DCUN1D4: variants seen among roughly 807,000 people sequenced by gnomAD.
DCUN1D4 encodes defective in cullin neddylation 1 domain containing 4.
DCUN1D4 carries 22 observed loss-of-function variants against 47.9 expected under a neutral mutation model. That is an observed-to-expected ratio of 0.46 (90% confidence interval 0.33 to 0.66). DCUN1D4 has a LOEUF of 0.66. DCUN1D4 is among the 30% of genes least tolerant of loss of function. DCUN1D4 has a pLI of 0.02. For missense variants in DCUN1D4, 301 were observed against 340.8 expected (o/e 0.88, Z 0.92); for synonymous variants, 121 against 112.2 (o/e 1.08, Z -0.50).
intron 3 of DCUN1D4, among the ~76,000 whole-genome samples, chr4:51,866,596 T>G (rs1284344681): frequency 1.3e-5 from 2 of 152,216 alleles, no homozygotes; most frequent in Admixed American, 1.3e-4. Context: ...TGTACACTTA[T>G]GCTTATATGT....
intron 7 of DCUN1D4, 139 bp from the exon 8 acceptor site, chr4:51,899,131 G>A (rs1205499525): frequency 7.4e-7 from 1 of 1,354,564 alleles, no homozygotes; most frequent in Admixed American, 3.6e-5. Context: ...TTTTTTAAGT[G>A]TAGAAAAAAT....
intron 5 of DCUN1D4, among the ~76,000 whole-genome samples, chr4:51,883,947 TCTG>T (rs1431092667): frequency 2.0e-5 from 3 of 150,172 alleles, no homozygotes; most frequent in Non-Finnish European, 4.4e-5. Flanking sequence ...TTGGTTTTCT[TCTG>T]ATAATCAAGA....
chr4:51,876,973 T>C (rs1727812626), intron 4 of DCUN1D4, among the ~76,000 whole-genome samples: 1 of 152,236 alleles, frequency 6.6e-6, no homozygotes, highest in Non-Finnish European at 1.5e-5. Context: ...ATTTTAAAGC[T>C]ATTGCCTCCT....
chr4:51,857,639 A>C (rs551166576), intron 1 of DCUN1D4, among the ~76,000 whole-genome samples: 1 of 152,208 alleles, frequency 6.6e-6, no homozygotes, highest in African/African-American at 2.4e-5. Context: ...GGAATGTGCC[A>C]TTCCTGTCAT....
Position 51,877,821 on chromosome 4 carries a change from A to G in DCUN1D4, c.310A>G (p.Lys104Glu). Residue 104 changes from lysine to glutamate, a missense_variant, in exon 5 of 11, where the codon AAA (lysine) becomes GAA (glutamate). Physicochemically the swap from Lys to Glu is moderately conservative, Grantham distance 56 (BLOSUM62 1). This residue lies in a region of DCUN1D4 where 170 missense variants were observed against 234.5 expected (regional missense o/e 0.73). Coordinates refer to ENST00000334635, the MANE Select transcript of DCUN1D4 (RefSeq NM_001040402.3). ...GACTGAAGAAGAAGCCTTTTCAAGT[A>G]AAAGGTGCTTGGAATGGTTCTATGA... ...IKTEEEAFSS[K>E]RCLEWFYEYA... 1 of 1,611,316 alleles carries G rather than the reference A, an allele frequency of 6.2e-7. No individual in the cohort carries two copies. The highest frequency in any genetic ancestry group is 8.5e-7 in the Non-Finnish European group (1 of 1,178,458).
At chr4:51,895,336 A>C (rs1731075863) in intron 7 of DCUN1D4, among the ~76,000 whole-genome samples, 1 of 151,970 alleles carries the variant, frequency 6.6e-6, no homozygotes, top group African/African-American at 2.4e-5. Context: ...AGGGTGGTGA[A>C]GTATGGCTTA....
chr4:51,843,413 CG>C, intron 1 of DCUN1D4, 146 bp downstream of exon 1: 2 of 1,254,012 alleles, frequency 1.6e-6, no homozygotes, highest in Non-Finnish European at 1.0e-6. Context: ...CTCCCGGGGC[CG>C]GGGCGGGCGG....
Position 51,843,176 on chromosome 4 carries a change from G to C in DCUN1D4, c.-67G>C. 1 of 1,533,162 alleles carries C rather than the reference G, an allele frequency of 6.5e-7. No individual in the cohort carries two copies. The highest frequency in any genetic ancestry group is 8.8e-7 in the Non-Finnish European group (1 of 1,140,666). 95.0% of individuals were successfully genotyped at this position (1,533,162 alleles called of 1,614,324 possible). ...TCAGCTTCGAGCCGAGGTGCAGTGAGCTGGTGGGGGGACCGCGAGGCGAGC... is the reference window on the plus strand; with the variant it reads ...TCAGCTTCGAGCCGAGGTGCAGTGACCTGGTGGGGGGACCGCGAGGCGAGC... On this transcript the variant is annotated 5_prime_UTR_variant, in exon 1 of 11. Transcript: ENST00000334635.
intron 5 of DCUN1D4, among the ~76,000 whole-genome samples, chr4:51,883,373 C>CG (rs1728989007): frequency 1.3e-5 from 2 of 152,056 alleles, no homozygotes; most frequent in African/African-American, 4.8e-5. Flanking sequence ...TGTATGTTCT[C>CG]TATTTAAATA....
chr4:51,872,447 A>T (rs1216314028), intron 3 of DCUN1D4, among the ~76,000 whole-genome samples: 2 of 152,016 alleles, frequency 1.3e-5, no homozygotes, highest in Non-Finnish European at 2.9e-5. Flanking sequence ...CTGCACTCCC[A>T]CCAATCCATG....
At chr4:51,862,735 G>T (rs564749974) in intron 1 of DCUN1D4, among the ~76,000 whole-genome samples, 1 of 152,006 alleles carries the variant, frequency 6.6e-6, no homozygotes, top group South Asian at 2.1e-4. Context: ...GAGGCTGCGC[G>T]TAGTGGCCCA....
chr4:51,913,255 G>A (rs1278855276), intron 9 of DCUN1D4, 35 bp from the exon 10 acceptor site: 2 of 1,328,038 alleles, frequency 1.5e-6, no homozygotes, highest in East Asian at 4.8e-5. Context: ...TTCATTTTAA[G>A]TGTCAGTAAT....
chr4:51,843,730 G>T (rs1184940180), intron 1 of DCUN1D4: 1 of 1,214,284 alleles, frequency 8.2e-7, no homozygotes, highest in East Asian at 3.3e-5. Flanking sequence ...GGGCGGCTCC[G>T]TGAGAAAGGC....
chr4:51,910,607 A>G lies in DCUN1D4; in HGVS notation c.616-463A>G, dbSNP rs529077914. 1.5e-3 allele frequency: 238 copies of G among 157,696 alleles called. 2 individuals carry two copies. The highest frequency in any genetic ancestry group is 2.5e-3 in the Non-Finnish European group (182 of 71,872). The allele number at this position is 157,696 out of a possible 1,614,324, so 9.8% of individuals were successfully genotyped here. A position where few individuals can be genotyped will look rare whatever the true frequency, so the allele number is the denominator to read the frequency against. On this transcript the variant is annotated intron_variant, in intron 8 of 10. Coordinates refer to ENST00000334635, the MANE Select transcript of DCUN1D4 (RefSeq NM_001040402.3). ...TTAGGTTCAAGAAAAATATTTATCA[A>G]TGAAATCAAATTGATTTCGTTTTTA... is the stretch of plus-strand genomic sequence containing the variant.
chr4:51,883,392 T>C (rs1728990656), intron 5 of DCUN1D4, among the ~76,000 whole-genome samples: 1 of 152,236 alleles, frequency 6.6e-6, no homozygotes, highest in African/African-American at 2.4e-5. Context: ...TATTTTGTCA[T>C]GTGAATGAAT....
chr4:51,848,501 A>G (rs1365408201), intron 1 of DCUN1D4: 6 of 690,070 alleles, frequency 8.7e-6, no homozygotes, highest in Non-Finnish European at 1.1e-5. Flanking sequence ...TCAGATTTAC[A>G]GAGTAAAATT....
rs370308968 is a variant in DCUN1D4 at position 51,913,500 on chromosome 4, A to T, written c.824-29A>T. 1.7e-4 allele frequency: 274 copies of T among 1,596,840 alleles called. 2 individuals carry two copies. In the South Asian group the frequency reaches 2.9e-3, roughly 17 times the overall value. On this transcript the variant is annotated intron_variant, in intron 10 of 10. Coordinates refer to ENST00000334635, the MANE Select transcript of DCUN1D4 (RefSeq NM_001040402.3). The stretch of plus-strand genomic sequence containing the variant: ...TATTATTATTGTTATTATTATTATT[A>T]TTACTACTGTTTCTCTCTTTCTCTC...
chr4:51,867,631 G>A (rs570142121), intron 3 of DCUN1D4, among the ~76,000 whole-genome samples: 1 of 152,322 alleles, frequency 6.6e-6, no homozygotes, highest in Admixed American at 6.5e-5. Context: ...AGGTTGTCCT[G>A]TCCTCTGCCT....
the DCUN1D4 span, among the ~76,000 whole-genome samples, chr4:51,837,654 CAAAAAAAAAAAA>C: frequency 2.4e-4 from 11 of 46,186 alleles, no homozygotes; most frequent in African/African-American, 6.7e-4. Context: ...GACTCCGTCT[CAAAAAAAAAAAA>C]AAAAAAAAAA....
Sources: allele counts gnomAD v4.1 joint callset (sites outside exome capture counted in the v4.1 genomes callset), GRCh38; gene constraint gnomAD v4.1.1; regional missense constraint gnomAD v4.1.1; transcripts MANE v1.5; gene names NCBI Gene and HGNC (gene_info 2026-07-23, HGNC 2026-07-21).